Variants in HERC3 observed in about 807,000 individuals in gnomAD.
HERC3 encodes probable E3 ubiquitin-protein ligase HERC3.
In HERC3, 58 loss-of-function variants were observed where a neutral mutation model predicts 129.9. The observed-to-expected ratio is 0.45, with a 90% CI of 0.36 to 0.56. The LOEUF (loss-of-function observed/expected upper bound fraction) is 0.56, where lower values mean the gene tolerates loss of function less well. Ranked by LOEUF, HERC3 falls within the 20% of genes least tolerant of loss-of-function variation. The probability of loss-of-function intolerance (pLI) is 0.00; values close to 1 mark genes in which losing one functional copy is unlikely to be tolerated. For missense variants in HERC3, 835 were observed against 1,244.2 expected, an observed-to-expected ratio of 0.67 and a Z score of 4.95; for synonymous variants, 430 against 451.0, an observed-to-expected ratio of 0.95 and a Z score of 0.59.
the HERC3 span, among the ~76,000 whole-genome samples, chr4:88,580,528 G>GA: frequency 5.3e-5 from 8 of 151,478 alleles, no homozygotes; most frequent in African/African-American, 1.7e-4. Flanking sequence ...TTAAAAAAAG[G>GA]AAAAAAAAGG....
At chr4:88,573,689 C>A in the HERC3 span, among the ~76,000 whole-genome samples, 1 of 152,152 alleles carries the variant, frequency 6.6e-6, no homozygotes, top group Non-Finnish European at 1.5e-5. Context: ...CCAAAACAAG[C>A]CAGCAGAAAG....
intron 12 of HERC3, among the ~76,000 whole-genome samples, chr4:88,666,879 T>C (rs1408281326): frequency 6.6e-6 from 1 of 152,206 alleles, no homozygotes; most frequent in Non-Finnish European, 1.5e-5. Context: ...TCATTTTTAT[T>C]TTAAATACTT....
chr4:88,562,696 G>T, the HERC3 span, among the ~76,000 whole-genome samples: 2 of 152,104 alleles, frequency 1.3e-5, no homozygotes, highest in Non-Finnish European at 2.9e-5. Flanking sequence ...AGAGATGGTG[G>T]TCTAGTTTCA....
Position 88,689,775 on chromosome 4 carries a change from G to C in HERC3, c.2657+2476G>C, listed in dbSNP as rs1193813659. ...GTATTTTTAGTAGAGATGGGGTTTT[G>C]CCATGTTGGCCAGACTGGTCTCGAA... On this transcript the variant is annotated intron_variant, in intron 23 of 25. Transcript: ENST00000402738. 2.0e-5 allele frequency among the ~76,000 whole-genome samples: 3 copies of C among 151,850 alleles called. No homozygotes were observed. The South Asian group carries it at 6.2e-4, about 32-fold the overall frequency.
chr4:88,670,807 T>C (rs1335419847), intron 16 of HERC3, among the ~76,000 whole-genome samples: 1 of 152,110 alleles, frequency 6.6e-6, no homozygotes, highest in Non-Finnish European at 1.5e-5. Flanking sequence ...CGACCTGTCT[T>C]CCCATATGAC....
At chr4:88,556,232 T>C in the HERC3 span, among the ~76,000 whole-genome samples, 1 of 152,220 alleles carries the variant, frequency 6.6e-6, no homozygotes, top group African/African-American at 2.4e-5. Flanking sequence ...GCCCTGGAGC[T>C]GCTAAACCCC....
At chr4:88,676,143 A>G (rs1732140376) in intron 16 of HERC3, 75 bp from the exon 17 acceptor site, 12 of 1,091,244 alleles carry the variant, frequency 1.1e-5, no homozygotes, top group African/African-American at 3.2e-5. Context: ...TTTGTTATTT[A>G]TATTTTACTT....
At chr4:88,527,208 C>T in the HERC3 span, 1 of 151,700 alleles carries the variant, frequency 6.6e-6, no homozygotes, top group South Asian at 2.1e-4. Context: ...GTCTTTCTTT[C>T]TTTTCTTTCT....
At chr4:88,589,095 C>CGT (rs147850626), upstream of HERC3, among the ~76,000 whole-genome samples, 91 of 151,218 alleles carry the variant, frequency 6.0e-4, no homozygotes, top group African/African-American at 1.9e-3. Flanking sequence ...CGCGTGTGTG[C>CGT]GTGTGTGTGT....
chr4:88,614,984 C>T (rs1724743442), intron 3 of HERC3, among the ~76,000 whole-genome samples: 2 of 152,178 alleles, frequency 1.3e-5, no homozygotes, highest in African/African-American at 4.8e-5. Flanking sequence ...ACCAACAGTA[C>T]TGAATTCTGA....
chr4:88,604,046 A>G (rs1433936762), intron 2 of HERC3, among the ~76,000 whole-genome samples: 1 of 151,648 alleles, frequency 6.6e-6, no homozygotes, highest in Non-Finnish European at 1.5e-5. Flanking sequence ...TTGATACTGA[A>G]TTTTGCTCTT....
At chr4:88,589,555 A>T (rs1342388996), upstream of HERC3, among the ~76,000 whole-genome samples, 3 of 152,224 alleles carry the variant, frequency 2.0e-5, no homozygotes, top group East Asian at 3.8e-4. Context: ...ACATTATTGT[A>T]GGTGCTCAGT....
chr4:88,669,369 G>A (rs1731377758), intron 14 of HERC3, among the ~76,000 whole-genome samples: 2 of 152,020 alleles, frequency 1.3e-5, no homozygotes, highest in Admixed American at 1.3e-4. Context: ...AGCATTTTTT[G>A]GTGAGAAGTA....
At chr4:88,661,323 T>A (rs1218418555) in intron 10 of HERC3, among the ~76,000 whole-genome samples, 1 of 152,236 alleles carries the variant, frequency 6.6e-6, no homozygotes, top group African/African-American at 2.4e-5. Context: ...AGAATAGTTA[T>A]CAATAACCAG....
chr4:88,566,145 G>C, the HERC3 span, among the ~76,000 whole-genome samples: 2 of 151,834 alleles, frequency 1.3e-5, no homozygotes, highest in African/African-American at 4.8e-5. Context: ...CCCTCCAAAA[G>C]GCCTCAGTGT....
intron 3 of HERC3, among the ~76,000 whole-genome samples, chr4:88,620,948 C>G (rs558848023): frequency 6.6e-6 from 1 of 152,192 alleles, no homozygotes; most frequent in Admixed American, 6.5e-5. Context: ...CTGTATCCCC[C>G]TTCCTTGCTT....
chr4:88,578,443 G>T, the HERC3 span, among the ~76,000 whole-genome samples: 1 of 152,006 alleles, frequency 6.6e-6, no homozygotes, highest in African/African-American at 2.4e-5. Flanking sequence ...TTAGCTGGGT[G>T]TGGAGGGGGG....
At chr4:88,650,144 C>T (rs1729120149) in intron 4 of HERC3, 145 bp downstream of exon 4, 1 of 759,102 alleles carries the variant, frequency 1.3e-6, no homozygotes. Flanking sequence ...AAACACTTGT[C>T]ACAAAAGTTG....
chr4:88,628,164 C>T (rs576826560), intron 3 of HERC3, among the ~76,000 whole-genome samples: 1 of 152,008 alleles, frequency 6.6e-6, no homozygotes, highest in African/African-American at 2.4e-5. Context: ...TTTTTGATTA[C>T]CATTGTTGAT....
Sources: gnomAD v4.1 joint callset for allele counts (sites outside exome capture counted in the v4.1 genomes callset) on GRCh38, gnomAD v4.1.1 for gene constraint, MANE v1.5 for transcripts, NCBI Gene and HGNC (gene_info 2026-07-23, HGNC 2026-07-21) for gene names.